The following GRID1 variants were observed in gnomAD, a reference collection of about 807,000 sequenced individuals.
GRID1 encodes glutamate ionotropic receptor delta type subunit 1.
In GRID1, 28 loss-of-function variants were observed where a neutral mutation model predicts 98.0. The ratio of observed to expected loss-of-function variants is 0.29; its 90% CI spans 0.21 to 0.39. GRID1 has a LOEUF of 0.39. GRID1 is among the 10% of genes least tolerant of loss of function. The pLI is 1.00. For synonymous variants in GRID1, 553 were observed against 538.5 expected (o/e 1.03, Z -0.37); for missense variants, 1,111 against 1,340.5 (o/e 0.83, Z 2.67).
chr10:85,782,586 T>A (rs986044865), intron 8 of GRID1, among the ~76,000 whole-genome samples: 1 of 152,188 alleles, frequency 6.6e-6, no homozygotes, highest in Non-Finnish European at 1.5e-5. Flanking sequence ...AGAATCTCAT[T>A]GAAGAAGAGT....
intron 3 of GRID1, among the ~76,000 whole-genome samples, chr10:86,150,462 A>T (rs1048413518): frequency 6.6e-6 from 1 of 152,230 alleles, no homozygotes; most frequent in Non-Finnish European, 1.5e-5. Context: ...TTCCTCTTTC[A>T]TTTAAGTAGA....
rs57322140 is a variant in GRID1 at position 85,622,306 on chromosome 10, G to A, written c.2194-2273C>T. ...TCCCTGCTAACCAGGAAGGAAGTCC[G>A]GAGGAGACAGTAGGAGCTGCCTTCT... On this transcript the variant is annotated intron_variant, in intron 13 of 15. Coordinates refer to ENST00000327946, the MANE Select transcript of GRID1 (RefSeq NM_017551.3). Among the ~76,000 whole-genome samples the A allele has an allele frequency of 7.6e-3, 1,156 of 151,466 alleles. 19 individuals are homozygous for A. Among genetic ancestry groups the A allele is most frequent in the African/African-American group, 0.027 (1,110 of 41,516 alleles).
intron 4 of GRID1, among the ~76,000 whole-genome samples, chr10:85,932,436 G>A (rs7910346): frequency 7.2e-5 from 11 of 151,898 alleles, no homozygotes; most frequent in African/African-American, 2.4e-4. Flanking sequence ...GGCTGGTCTC[G>A]AACTTCTGGA....
chr10:85,911,428 C>G (rs936140748), intron 5 of GRID1, among the ~76,000 whole-genome samples: 2 of 152,112 alleles, frequency 1.3e-5, no homozygotes, highest in African/African-American at 4.8e-5. Flanking sequence ...GATGTGGAGT[C>G]ACCGACTTAC....
chr10:86,253,147 T>C (rs1431853527), intron 2 of GRID1, among the ~76,000 whole-genome samples: 1 of 152,254 alleles, frequency 6.6e-6, no homozygotes, highest in African/African-American at 2.4e-5. Context: ...TTACTGTAGC[T>C]ATAGAAACCA....
At chr10:85,975,038 C>A (rs1346738407) in intron 4 of GRID1, among the ~76,000 whole-genome samples, 3 of 152,194 alleles carry the variant, frequency 2.0e-5, no homozygotes, top group Admixed American at 1.3e-4. Context: ...TCTCCATGTT[C>A]TCTACAAGGG....
At chr10:86,203,199 C>T (rs2132016686) in intron 3 of GRID1, among the ~76,000 whole-genome samples, 1 of 152,308 alleles carries the variant, frequency 6.6e-6, no homozygotes, top group East Asian at 1.9e-4. Flanking sequence ...TTGGAAAGAA[C>T]AGAATAGTCT....
chr10:85,682,564 G>C (rs572441695), intron 12 of GRID1, among the ~76,000 whole-genome samples: 29 of 152,346 alleles, frequency 1.9e-4, no homozygotes, highest in African/African-American at 6.5e-4. Context: ...ATCACTGCTT[G>C]CAGATCACAA....
At chr10:86,359,279 C>A (rs1848572241) in intron 2 of GRID1, among the ~76,000 whole-genome samples, 1 of 152,156 alleles carries the variant, frequency 6.6e-6, no homozygotes, top group Non-Finnish European at 1.5e-5. Flanking sequence ...AAGAGCGTGG[C>A]CTCGATGGGA....
intron 12 of GRID1, among the ~76,000 whole-genome samples, chr10:85,685,032 T>C (rs2132602265): frequency 6.6e-6 from 1 of 152,324 alleles, no homozygotes; most frequent in East Asian, 1.9e-4. Flanking sequence ...TGGGGAGAGA[T>C]GTAATTCAGT....
At position 86,157,129 on chromosome 10, in the gene GRID1, G is replaced by A. The variant is rs189506117; in HGVS notation, c.521-18105C>T. 1.0e-3 allele frequency among the ~76,000 whole-genome samples: 157 copies of A among 152,278 alleles called. 1 individual carries two copies. The highest frequency in any genetic ancestry group is 1.7e-3 in the Non-Finnish European group (117 of 68,034). On this transcript the variant is annotated intron_variant, in intron 3 of 15. Coordinates refer to ENST00000327946, the MANE Select transcript of GRID1 (RefSeq NM_017551.3). ...ATAGTGAATCCACGAAACAGAGAAG[G>A]AGGAACAAGCTTAGGATGGAAGCTA...
At chr10:85,891,975 A>G (rs1841207356) in intron 5 of GRID1, among the ~76,000 whole-genome samples, 1 of 152,040 alleles carries the variant, frequency 6.6e-6, no homozygotes, top group Admixed American at 6.6e-5. Context: ...GGACATTAAA[A>G]TAGATATTAT....
intron 8 of GRID1, among the ~76,000 whole-genome samples, chr10:85,736,368 A>T (rs1841883970): frequency 6.6e-6 from 1 of 152,194 alleles, no homozygotes; most frequent in African/African-American, 2.4e-5. Context: ...CCCAAATCTC[A>T]TGCTTAATAA....
At chr10:86,152,527 C>T (rs1053624706) in intron 3 of GRID1, among the ~76,000 whole-genome samples, 33 of 152,382 alleles carry the variant, frequency 2.2e-4, no homozygotes, top group African/African-American at 7.5e-4. Context: ...CTGCCTAGCT[C>T]TCAGGGAGGC....
chr10:86,008,400 T>C (rs1207451448), intron 4 of GRID1, among the ~76,000 whole-genome samples: 1 of 152,120 alleles, frequency 6.6e-6, no homozygotes, highest in Non-Finnish European at 1.5e-5. Flanking sequence ...GAATAAATAG[T>C]AGATAAATTT....
chr10:85,642,726 T>A (rs1294653849), intron 13 of GRID1, among the ~76,000 whole-genome samples: 1 of 152,216 alleles, frequency 6.6e-6, no homozygotes, highest in Non-Finnish European at 1.5e-5. Flanking sequence ...CTTGTCCTTA[T>A]CTTAGTGGCC....
chr10:86,174,222 C>T (rs554389725), intron 3 of GRID1, among the ~76,000 whole-genome samples: 9 of 152,178 alleles, frequency 5.9e-5, no homozygotes, highest in South Asian at 2.1e-4. Context: ...GGAGGCATCA[C>T]GCTACCTGAC....
intron 4 of GRID1, among the ~76,000 whole-genome samples, chr10:85,948,234 T>C (rs1463591362): frequency 6.6e-6 from 1 of 152,224 alleles, no homozygotes; most frequent in Admixed American, 6.5e-5. Context: ...AGATAAGAAC[T>C]CTCTGTCCAT....
At chr10:85,868,691 T>G (rs1215736739) in intron 6 of GRID1, among the ~76,000 whole-genome samples, 1 of 152,186 alleles carries the variant, frequency 6.6e-6, no homozygotes, top group Admixed American at 6.5e-5. Flanking sequence ...CCCCCAGCCC[T>G]GCCAGATGAA....
Sources: allele counts gnomAD v4.1 joint callset (sites outside exome capture counted in the v4.1 genomes callset), GRCh38; gene constraint gnomAD v4.1.1; transcripts MANE v1.5; gene names NCBI Gene and HGNC (gene_info 2026-07-23, HGNC 2026-07-21).